FSTL5: variants seen among roughly 807,000 people sequenced by gnomAD.
FSTL5 encodes follistatin like 5, also known as follistatin-related protein 5.
In FSTL5, 62 loss-of-function variants were observed where a neutral mutation model predicts 89.1. That is an observed-to-expected ratio of 0.70 (90% CI 0.57 to 0.86). The LOEUF (loss-of-function observed/expected upper bound fraction) is 0.86. Among genes scored for constraint, FSTL5 ranks in the 40% least tolerant of loss-of-function variants. The pLI, the probability that FSTL5 is intolerant of heterozygous loss-of-function variation, is 0.00. For synonymous variants in FSTL5, 383 were observed against 346.2 expected, an observed-to-expected ratio of 1.11 and a Z score of -1.18; for missense variants, 1,057 against 1,001.6, an observed-to-expected ratio of 1.06 and a Z score of -0.75.
At chr4:161,613,279 T>C (rs1336957485) in intron 7 of FSTL5, among the ~76,000 whole-genome samples, 1 of 151,916 alleles carries the variant, frequency 6.6e-6, no homozygotes, top group Non-Finnish European at 1.5e-5. Context: ...GGTGAAATCT[T>C]GTCTCTACTA....
chr4:161,707,105 ATTTG>A (rs1267179956), intron 6 of FSTL5, among the ~76,000 whole-genome samples: 2 of 151,830 alleles, frequency 1.3e-5, no homozygotes, highest in East Asian at 3.9e-4. Flanking sequence ...CCAAACACAA[ATTTG>A]TTTTTTTCTG....
chr4:162,082,584 T>C (rs1438803414), intron 2 of FSTL5, among the ~76,000 whole-genome samples: 2 of 151,468 alleles, frequency 1.3e-5, no homozygotes, highest in Non-Finnish European at 3.0e-5. Context: ...TGTATATCTC[T>C]TTCTCTATGT....
intron 2 of FSTL5, among the ~76,000 whole-genome samples, chr4:162,060,352 G>C (rs1347970872): frequency 6.6e-6 from 1 of 152,008 alleles, no homozygotes; most frequent in Non-Finnish European, 1.5e-5. Flanking sequence ...ATAAATCACA[G>C]TATTTCCTTC....
At chr4:161,527,419 A>T (rs1404463861) in intron 10 of FSTL5, among the ~76,000 whole-genome samples, 2 of 152,224 alleles carry the variant, frequency 1.3e-5, no homozygotes, top group African/African-American at 4.8e-5. Flanking sequence ...AATAGCCAGA[A>T]TCTACAATGA....
intron 3 of FSTL5, 102 bp from the exon 4 acceptor site, chr4:161,920,754 T>C: frequency 1.8e-6 from 2 of 1,140,004 alleles, no homozygotes; most frequent in Non-Finnish European, 2.4e-6. Context: ...AAGAAAAGTA[T>C]AGTATAGTGT....
At chr4:161,683,162 T>C (rs979868226) in intron 6 of FSTL5, among the ~76,000 whole-genome samples, 2 of 152,158 alleles carry the variant, frequency 1.3e-5, no homozygotes, top group Non-Finnish European at 2.9e-5. Context: ...CTGTACATAA[T>C]TGTATGTGCT....
At chr4:161,405,684 A>G (rs1249344380) in intron 15 of FSTL5, among the ~76,000 whole-genome samples, 1 of 152,206 alleles carries the variant, frequency 6.6e-6, no homozygotes, top group South Asian at 2.1e-4. Context: ...GAATCTATTC[A>G]TCTAAGAACT....
At chr4:161,461,180 G>A (rs1376992919) in intron 13 of FSTL5, among the ~76,000 whole-genome samples, 1 of 151,682 alleles carries the variant, frequency 6.6e-6, no homozygotes, top group Non-Finnish European at 1.5e-5. Flanking sequence ...GAAAAGGCCG[G>A]GTGCGGTGGC....
chr4:161,997,601 C>CTTTTT (rs60978465), intron 3 of FSTL5, among the ~76,000 whole-genome samples: 21 of 129,312 alleles, frequency 1.6e-4, no homozygotes, highest in Admixed American at 3.2e-4. Context: ...TACATGTTAT[C>CTTTTT]TTTTTTTTTT....
At chr4:161,439,474 T>C (rs1384365709) in intron 15 of FSTL5, among the ~76,000 whole-genome samples, 1 of 152,258 alleles carries the variant, frequency 6.6e-6, no homozygotes, top group Non-Finnish European at 1.5e-5. Flanking sequence ...TTTTAATTTA[T>C]GAGTCTGTTT....
intron 5 of FSTL5, among the ~76,000 whole-genome samples, chr4:161,769,891 T>C (rs535940642): frequency 6.6e-6 from 1 of 151,602 alleles, no homozygotes; most frequent in South Asian, 2.1e-4. Flanking sequence ...TATAATCTTA[T>C]ATTTGAAAAA....
In FSTL5 at chr4:162,146,552, AAC is replaced by A. The variant is rs1191536458; in HGVS notation, c.-17+17061_-17+17062del. Among the ~76,000 whole-genome samples the A allele has an allele frequency of 3.9e-5, 6 of 152,252 alleles. No homozygotes were observed. The South Asian group carries it at 6.2e-4, about 16-fold the overall frequency. On this transcript the variant is annotated intron_variant, in intron 1 of 15. Transcript: ENST00000306100. ...CCAACACCTAGTATTCCCTATTGTT[AAC>A]ATCTCATGTTAGTATGACACATTTG...
chr4:161,528,018 C>T (rs1420385337), intron 10 of FSTL5, among the ~76,000 whole-genome samples: 14 of 151,130 alleles, frequency 9.3e-5, no homozygotes, highest in Non-Finnish European at 2.9e-5. Flanking sequence ...AATTGGAAAT[C>T]ATCACTCTCA....
intron 3 of FSTL5, among the ~76,000 whole-genome samples, chr4:161,932,321 T>A (rs1734310479): frequency 6.6e-6 from 1 of 151,860 alleles, no homozygotes. Context: ...CAAGAGACTA[T>A]TTTTAAATCT....
intron 3 of FSTL5, among the ~76,000 whole-genome samples, chr4:162,014,152 G>C (rs537821972): frequency 6.6e-6 from 1 of 152,300 alleles, no homozygotes; most frequent in East Asian, 1.9e-4. Context: ...CCAGTGAGCT[G>C]CAGAGGCTGG....
At position 162,118,263 on chromosome 4, in the gene FSTL5, A is replaced by G. The variant is rs538803027; in HGVS notation, c.-16-6851T>C. 1.3e-4 allele frequency among the ~76,000 whole-genome samples: 7 copies of G among 54,228 alleles called. No homozygotes were observed. In the Admixed American group the frequency reaches 1.7e-3, roughly 13 times the overall value. 35.6% of individuals were successfully genotyped at this position (54,228 alleles called of 152,430 possible). A position where few individuals can be genotyped will look rare whatever the true frequency, so the allele number is the denominator to read the frequency against. Reference sequence around the variant, plus strand: ...TTTCTTAGGAAAAAGCATTCTCCAAAGAGTCTTTTTTTTTTTTGACGGAAT... The same window carrying G: ...TTTCTTAGGAAAAAGCATTCTCCAAGGAGTCTTTTTTTTTTTTGACGGAAT... On this transcript the variant is annotated intron_variant, in intron 1 of 15. Coordinates refer to ENST00000306100, the MANE Select transcript of FSTL5 (RefSeq NM_020116.5).
intron 1 of FSTL5, among the ~76,000 whole-genome samples, chr4:162,122,155 T>G (rs767955312): frequency 6.6e-6 from 1 of 152,082 alleles, no homozygotes; most frequent in Non-Finnish European, 1.5e-5. Flanking sequence ...CCTGTGTCAT[T>G]CAAGGGCTAA....
chr4:161,984,685 C>A (rs1195140141), intron 3 of FSTL5, among the ~76,000 whole-genome samples: 1 of 152,082 alleles, frequency 6.6e-6, no homozygotes, highest in Non-Finnish European at 1.5e-5. Flanking sequence ...CTTTAGCTTA[C>A]AAATCATCAG....
chr4:161,736,199 A>T (rs1019223277), intron 6 of FSTL5, among the ~76,000 whole-genome samples: 1 of 152,170 alleles, frequency 6.6e-6, no homozygotes, highest in African/African-American at 2.4e-5. Flanking sequence ...TTATTTTCTT[A>T]CAATTACCAA....
Sources: gnomAD v4.1 joint callset for allele counts (sites outside exome capture counted in the v4.1 genomes callset) on GRCh38, gnomAD v4.1.1 for gene constraint, MANE v1.5 for transcripts, NCBI Gene and HGNC (gene_info 2026-07-23, HGNC 2026-07-21) for gene names.